Variants in SLTM observed in about 807,000 individuals in gnomAD.
SLTM encodes SAFB-like transcription modulator.
SLTM carries 43 observed loss-of-function variants against 134.6 expected under a neutral mutation model. That is an observed-to-expected ratio of 0.32 (90% CI 0.25 to 0.41). The LOEUF is 0.41. Ranked by LOEUF, SLTM falls within the 10% of genes least tolerant of loss-of-function variation. The pLI is 1.00. For missense variants in SLTM, 1,055 were observed against 1,288.8 expected, an observed-to-expected ratio of 0.82 and a Z score of 2.78; for synonymous variants, 424 against 432.3, an observed-to-expected ratio of 0.98 and a Z score of 0.24.
intron 2 of SLTM, among the ~76,000 whole-genome samples, chr15:58,929,341 G>A (rs557367120): frequency 2.0e-5 from 3 of 152,106 alleles, no homozygotes; most frequent in East Asian, 1.9e-4. Flanking sequence ...TCAGCTACTC[G>A]GGAGGCTGAG....
In SLTM at chr15:58,899,686, C is replaced by T; in HGVS notation, c.841G>A (p.Asp281Asn). 6.2e-7 allele frequency: 1 copy of T among 1,614,150 alleles called. No homozygotes were observed. The highest frequency in any genetic ancestry group is 8.5e-7 in the Non-Finnish European group (1 of 1,180,008). ...ITDSEASKPK[D>N]GQDAIAQSPE... ...CTCTGTGCAATGGCGTCCTGCCCAT[C>T]TTTTGGCTTACTTGCTTCAGAATCT... The change falls in exon 7 of 21, where the codon GAT becomes AAT. Residue 281 changes from aspartate to asparagine, a missense_variant. By Grantham distance (23) the Asp-to-Asn change is conservative. Coordinates refer to ENST00000380516, the MANE Select transcript of SLTM (RefSeq NM_024755.4). This position sits in a 1 kb window ranked among gnomAD's most constrained non-coding sequence, Gnocchi z 5.0.
intron 9 of SLTM, among the ~76,000 whole-genome samples, chr15:58,895,746 G>A (rs2035031227): frequency 6.6e-6 from 1 of 152,076 alleles, no homozygotes. Flanking sequence ...ATTGAAAACA[G>A]AAGAAAAAAT....
chr15:58,894,419 T>A lies in SLTM; in HGVS notation c.1377+14A>T. The A allele has an allele frequency of 6.2e-7, 1 of 1,613,944 alleles. No homozygotes were observed. The highest frequency in any genetic ancestry group is 1.3e-5 in the African/African-American group (1 of 75,036). Reference sequence around the variant, plus strand: ...AAATTAGACTTGCTTTGATAAACAGTTAGGGAAGCTTACTTTTTCAACAGA... The same window carrying A: ...AAATTAGACTTGCTTTGATAAACAGATAGGGAAGCTTACTTTTTCAACAGA... On this transcript the variant is annotated intron_variant, in intron 10 of 20. Coordinates refer to ENST00000380516, the MANE Select transcript of SLTM (RefSeq NM_024755.4).
chr15:58,923,251 G>A (rs1192548491), intron 2 of SLTM, among the ~76,000 whole-genome samples: 1 of 152,030 alleles, frequency 6.6e-6, no homozygotes, highest in African/African-American at 2.4e-5. Context: ...CCAGCTACTA[G>A]GGGGGCCGAT....
chr15:58,923,537 A>C (rs2037245219), intron 2 of SLTM, among the ~76,000 whole-genome samples: 1 of 152,120 alleles, frequency 6.6e-6, no homozygotes, highest in African/African-American at 2.4e-5. Context: ...TTGTAATATC[A>C]CACACGAGAA....
At chr15:58,930,826 A>G (rs1430643249) in intron 2 of SLTM, among the ~76,000 whole-genome samples, 1 of 151,090 alleles carries the variant, frequency 6.6e-6, no homozygotes, top group Admixed American at 6.6e-5. Context: ...AAAATTTTAT[A>G]TTGCTGAAAT....
chr15:58,905,548 A>T (rs1313783161), intron 5 of SLTM, among the ~76,000 whole-genome samples: 1 of 152,026 alleles, frequency 6.6e-6, no homozygotes, highest in Non-Finnish European at 1.5e-5. Flanking sequence ...ATTTTAGAAA[A>T]ATATATTTTA....
intron 16 of SLTM, 120 bp downstream of exon 16, chr15:58,889,310 T>C (rs2034481601): frequency 7.7e-7 from 1 of 1,306,834 alleles, no homozygotes; most frequent in Admixed American, 2.0e-5. Context: ...ATCCTTCCCA[T>C]CCCTGTTGAT....
chr15:58,884,542 C>T (rs2034023259), intron 19 of SLTM, among the ~76,000 whole-genome samples: 1 of 152,116 alleles, frequency 6.6e-6, no homozygotes, highest in South Asian at 2.1e-4. Context: ...TGGTCTTGAT[C>T]TCTTGACTTC....
intron 14 of SLTM, among the ~76,000 whole-genome samples, chr15:58,890,867 C>A (rs1487448294): frequency 2.0e-5 from 3 of 152,136 alleles, no homozygotes; most frequent in Admixed American, 6.6e-5. Flanking sequence ...TATTGTATCT[C>A]CTTAAACAAG....
At chr15:58,921,705 G>A in intron 2 of SLTM, 1 of 247,540 alleles carries the variant, frequency 4.0e-6, no homozygotes, top group Non-Finnish European at 8.6e-6. Flanking sequence ...TTCATAATTG[G>A]CAACTTTTGG....
At position 58,883,579 on chromosome 15, in the gene SLTM, A is replaced by T. The variant is rs77358844; in HGVS notation, c.2996+47T>A. ...AACTATAATGACTTTTATGGAAAGG[A>T]TAAAGTGTTGGTTGTGTGCTGGCAG... On this transcript the variant is annotated intron_variant, in intron 20 of 20. Transcript: ENST00000380516. 1.5e-3 allele frequency: 2,398 copies of T among 1,608,234 alleles called. 31 individuals carry two copies. The African/African-American group carries it at 0.027, about 18-fold the overall frequency.
chr15:58,920,896 A>G (rs2036995967), intron 2 of SLTM, among the ~76,000 whole-genome samples: 1 of 152,148 alleles, frequency 6.6e-6, no homozygotes, highest in South Asian at 2.1e-4. Flanking sequence ...TGAAGGTTGC[A>G]GTGAGCCGAG....
chr15:58,915,009 T>C (rs1216300053), intron 3 of SLTM, among the ~76,000 whole-genome samples: 1 of 152,070 alleles, frequency 6.6e-6, no homozygotes, highest in Non-Finnish European at 1.5e-5. Context: ...CTGGCCAACA[T>C]GGTGAAACCC....
chr15:58,893,458 CCAATA>C, intron 12 of SLTM, 94 bp from the exon 13 acceptor site: 2 of 814,980 alleles, frequency 2.5e-6, no homozygotes, highest in Non-Finnish European at 3.8e-6. Flanking sequence ...TAGTCACACA[CCAATA>C]CATGAAATAA....
At chr15:58,913,981 AGC>A (rs2036457936) in intron 3 of SLTM, among the ~76,000 whole-genome samples, 1 of 152,192 alleles carries the variant, frequency 6.6e-6, no homozygotes, top group Non-Finnish European at 1.5e-5. Context: ...ATATTTACCA[AGC>A]CAGCTTCTAG....
At chr15:58,925,136 A>T (rs2037369612) in intron 2 of SLTM, among the ~76,000 whole-genome samples, 1 of 152,086 alleles carries the variant, frequency 6.6e-6, no homozygotes. Flanking sequence ...GAAGATTAAG[A>T]AGATATGCCA....
chr15:58,899,010 A>C lies in SLTM; in HGVS notation c.1059-158T>G, dbSNP rs1314835412. On this transcript the variant is annotated intron_variant, in intron 7 of 20. Coordinates refer to ENST00000380516, the MANE Select transcript of SLTM (RefSeq NM_024755.4). This position sits in a 1 kb window ranked among gnomAD's most constrained non-coding sequence, Gnocchi z 5.0. ...GGTTATTTGAACAAATGACTCCCTGAGGATTCTTGCACTGATTTTCCCCAA... is the reference window on the plus strand; with the variant it reads ...GGTTATTTGAACAAATGACTCCCTGCGGATTCTTGCACTGATTTTCCCCAA... The C allele has an allele frequency of 1.1e-5, 6 of 554,200 alleles. No individual in the cohort carries two copies. Among genetic ancestry groups the C allele is most frequent in the Non-Finnish European group, 1.9e-5 (6 of 316,124 alleles). 34.3% of individuals were successfully genotyped at this position (554,200 alleles called of 1,614,324 possible). A position where few individuals can be genotyped will look rare whatever the true frequency, so the allele number is the denominator to read the frequency against.
chr15:58,887,877 G>A (rs1400620297), intron 17 of SLTM, among the ~76,000 whole-genome samples: 1 of 152,154 alleles, frequency 6.6e-6, no homozygotes, highest in Non-Finnish European at 1.5e-5. Flanking sequence ...GAGGCGGGGA[G>A]TGGTGGCTCA....
Sources: allele counts gnomAD v4.1 joint callset (sites outside exome capture counted in the v4.1 genomes callset), GRCh38; gene constraint gnomAD v4.1.1; non-coding constraint Gnocchi (gnomAD v3.1); transcripts MANE v1.5; gene names NCBI Gene and HGNC (gene_info 2026-07-23, HGNC 2026-07-21).